DR1: variants seen among roughly 807,000 people sequenced by gnomAD.
The protein encoded by DR1 is down-regulator of transcription 1.
A neutral mutation model predicts 19.9 loss-of-function variants in DR1; 7 were observed. The ratio of observed to expected loss-of-function variants is 0.35; its 90% CI spans 0.20 to 0.66. The LOEUF (loss-of-function observed/expected upper bound fraction) is 0.66. Among genes scored for constraint, DR1 ranks in the 30% least tolerant of loss-of-function variants. The pLI, the probability that DR1 is intolerant of heterozygous loss-of-function variation, is 0.66. For missense variants in DR1, 98 were observed against 203.7 expected, an observed-to-expected ratio of 0.48 and a Z score of 3.16; for synonymous variants, 76 against 72.5, an observed-to-expected ratio of 1.05 and a Z score of -0.24.
At chr1:93,352,319 C>G (rs1479400423) in intron 1 of DR1, among the ~76,000 whole-genome samples, 1 of 152,202 alleles carries the variant, frequency 6.6e-6, no homozygotes, top group African/African-American at 2.4e-5. Flanking sequence ...ATCTGCCTGC[C>G]TTGGTCTCCC....
chr1:93,351,557 T>G (rs1156305501), intron 1 of DR1, among the ~76,000 whole-genome samples: 1 of 149,338 alleles, frequency 6.7e-6, no homozygotes, highest in Non-Finnish European at 1.5e-5. Context: ...TGCCTTAGCC[T>G]CCTGAGTAGC....
rs1667081405 is a variant in DR1 at position 93,363,478 on chromosome 1, T to G, written c.*2839T>G. ...AGCAGGGTTGGCTCTTTATTGAGGT[T>G]GTGAGGGAGAATGTTTTCTTCCCTT... On this transcript the variant is annotated 3_prime_UTR_variant, in exon 3 of 3. Transcript: ENST00000370272. 1 of 152,212 alleles carries G rather than the reference T, an allele frequency of 6.6e-6. No homozygotes were observed. Among genetic ancestry groups the G allele is most frequent in the African/African-American group, 2.4e-5 (1 of 41,454 alleles). The allele number at this position is 152,212 out of a possible 1,614,324, so 9.4% of individuals were successfully genotyped here. A position where few individuals can be genotyped will look rare whatever the true frequency, so the allele number is the denominator to read the frequency against.
intron 1 of DR1, among the ~76,000 whole-genome samples, chr1:93,352,926 G>GTTTTTTTTTT: frequency 7.3e-6 from 1 of 137,020 alleles, no homozygotes. Flanking sequence ...ACAGGGTCTT[G>GTTTTTTTTTT]CTCTGTCATC....
intron 1 of DR1, among the ~76,000 whole-genome samples, chr1:93,350,122 T>G (rs778467343): frequency 1.3e-4 from 20 of 152,196 alleles, no homozygotes; most frequent in Non-Finnish European, 2.6e-4. Context: ...ATACTTTTCT[T>G]TAAATTAATA....
chr1:93,357,916 A>G (rs1667010193), intron 2 of DR1, among the ~76,000 whole-genome samples: 1 of 152,210 alleles, frequency 6.6e-6, no homozygotes, highest in South Asian at 2.1e-4. Context: ...TGAAGAATAT[A>G]TCATTATGAG....
rs1341132851 is a variant in DR1 at position 93,365,927 on chromosome 1, A to C, written c.*5288A>C. 1 of 152,230 alleles carries C rather than the reference A, an allele frequency of 6.6e-6. No individual in the cohort carries two copies. The highest frequency in any genetic ancestry group is 2.4e-5 in the African/African-American group (1 of 41,452). 9.4% of individuals were successfully genotyped at this position (152,230 alleles called of 1,614,324 possible). A position where few individuals can be genotyped will look rare whatever the true frequency, so the allele number is the denominator to read the frequency against. On this transcript the variant is annotated 3_prime_UTR_variant, in exon 3 of 3. Transcript: ENST00000370272. ...TAATAAGCATTTTTTATTGTGATTA[A>C]ATATGCATATCGTAAAATTCACCAC... is the stretch of plus-strand genomic sequence containing the variant.
Position 93,346,246 on chromosome 1 carries a change from C to A in DR1, c.-400C>A, listed in dbSNP as rs1666834517. The A allele has an allele frequency of 4.0e-6, 1 of 252,414 alleles. No individual in the cohort carries two copies. Among genetic ancestry groups the A allele is most frequent in the Non-Finnish European group, 7.9e-6 (1 of 127,108 alleles). The allele number at this position is 252,414 out of a possible 1,614,324, so 15.6% of individuals were successfully genotyped here. On this transcript the variant is annotated 5_prime_UTR_variant, in exon 1 of 3. Coordinates refer to ENST00000370272, the MANE Select transcript of DR1 (RefSeq NM_001938.3). ...GAGCCGAGCCCGCTGGGTACCCGCC[C>A]GGTACCGCGGCGAGGCCAGTGCCCC... is the stretch of plus-strand genomic sequence containing the variant.
chr1:93,366,332 A>G lies in DR1; in HGVS notation c.*5693A>G, dbSNP rs980068804. On this transcript the variant is annotated 3_prime_UTR_variant, in exon 3 of 3. Coordinates refer to ENST00000370272, the MANE Select transcript of DR1 (RefSeq NM_001938.3). Reference sequence around the variant, plus strand: ...ACTGGGTTGCTTCTGCTTTTTGGCTATTGTGAATAATGCTTCTGTGAACGT... The same window carrying G: ...ACTGGGTTGCTTCTGCTTTTTGGCTGTTGTGAATAATGCTTCTGTGAACGT... 4 of 152,316 alleles carry G rather than the reference A, an allele frequency of 2.6e-5. No individual in the cohort carries two copies. Among genetic ancestry groups the G allele is most frequent in the African/African-American group, 9.6e-5 (4 of 41,564 alleles). The allele number at this position is 152,316 out of a possible 1,614,324, so 9.4% of individuals were successfully genotyped here.
chr1:93,351,535 A>G (rs145558528), intron 1 of DR1, among the ~76,000 whole-genome samples: 317 of 148,328 alleles, frequency 2.1e-3, no homozygotes, highest in African/African-American at 7.6e-3. Context: ...TCCCGGGTTC[A>G]AGCAATTCTC....
chr1:93,357,865 T>C (rs1023005892), intron 2 of DR1, among the ~76,000 whole-genome samples: 1 of 152,162 alleles, frequency 6.6e-6, no homozygotes, highest in African/African-American at 2.4e-5. Context: ...ATGTCCCTAC[T>C]GTATGTAAGA....
intron 1 of DR1, among the ~76,000 whole-genome samples, chr1:93,353,507 A>G (rs1666942958): frequency 6.6e-6 from 1 of 152,218 alleles, no homozygotes; most frequent in Admixed American, 6.5e-5. Context: ...TCCTACCAGA[A>G]CTTAGTAGAG....
At chr1:93,354,208 G>C in intron 2 of DR1, 137 bp downstream of exon 2, 1 of 730,478 alleles carries the variant, frequency 1.4e-6, no homozygotes, top group Non-Finnish European at 2.1e-6. Context: ...GTTCAGAGCT[G>C]ACCAATTTGA....
chr1:93,358,349 T>G (rs746843294), intron 2 of DR1, among the ~76,000 whole-genome samples: 9 of 152,140 alleles, frequency 5.9e-5, no homozygotes, highest in Non-Finnish European at 1.2e-4. Flanking sequence ...GGAGATTGCA[T>G]GGATGGAGGA....
rs1222494796 is a variant in DR1, at chr1:93,368,605, A to G, written c.*7966A>G. ...GTTTGTTTCTTTTGTTGTGCCTATAAAAGATGCCATTAACTTCATATTTAT... is the reference window on the plus strand; with the variant it reads ...GTTTGTTTCTTTTGTTGTGCCTATAGAAGATGCCATTAACTTCATATTTAT... On this transcript the variant is annotated 3_prime_UTR_variant, in exon 3 of 3. Transcript: ENST00000370272. The G allele has an allele frequency of 6.6e-6, 1 of 152,218 alleles. No individual in the cohort carries two copies. Among genetic ancestry groups the G allele is most frequent in the Admixed American group, 6.5e-5 (1 of 15,280 alleles). 9.4% of individuals were successfully genotyped at this position (152,218 alleles called of 1,614,324 possible).
At position 93,362,721 on chromosome 1, in the gene DR1, T is replaced by C. The variant is rs2101641284; in HGVS notation, c.*2082T>C. ...GTACCTGCCTTTTGTTTTTGTTTAC[T>C]GTTATTTCAAAAAATGTGGTTTTAC... On this transcript the variant is annotated 3_prime_UTR_variant, in exon 3 of 3. Coordinates refer to ENST00000370272, the MANE Select transcript of DR1 (RefSeq NM_001938.3). The C allele has an allele frequency of 6.6e-6, 1 of 151,932 alleles. No individual in the cohort carries two copies. Among genetic ancestry groups the C allele is most frequent in the South Asian group, 2.1e-4 (1 of 4,832 alleles). 9.4% of individuals were successfully genotyped at this position (151,932 alleles called of 1,614,324 possible).
Position 93,368,699 on chromosome 1 carries a change from G to T in DR1, c.*8060G>T, listed in dbSNP as rs1015892041. On this transcript the variant is annotated 3_prime_UTR_variant, in exon 3 of 3. Coordinates refer to ENST00000370272, the MANE Select transcript of DR1 (RefSeq NM_001938.3). ...TGTGGTTAAGCTATGAAGAACAATG[G>T]TATTTATTTCCAAAACACTTATTTG... is the stretch of plus-strand genomic sequence containing the variant. 16 of 152,134 alleles carry T rather than the reference G, an allele frequency of 1.1e-4. No individual in the cohort carries two copies. Among genetic ancestry groups the T allele is most frequent in the Non-Finnish European group, 2.9e-5 (2 of 68,020 alleles). The allele number at this position is 152,134 out of a possible 1,614,324, so 9.4% of individuals were successfully genotyped here.
rs1025681601 is a variant in DR1 at position 93,366,768 on chromosome 1, G to C, written c.*6129G>C. 2.6e-5 allele frequency: 4 copies of C among 152,174 alleles called. No individual in the cohort carries two copies. The highest frequency in any genetic ancestry group is 2.6e-4 in the Admixed American group (4 of 15,286). 9.4% of individuals were successfully genotyped at this position (152,174 alleles called of 1,614,324 possible). A position where few individuals can be genotyped will look rare whatever the true frequency, so the allele number is the denominator to read the frequency against. ...CCTGTAATCTCAACACTGGGAAGTC[G>C]AGGTGGGCAGATGGCTTGACCTCAG... On this transcript the variant is annotated 3_prime_UTR_variant, in exon 3 of 3. Coordinates refer to ENST00000370272, the MANE Select transcript of DR1 (RefSeq NM_001938.3).
chr1:93,353,266 G>T (rs1666939855), intron 1 of DR1, among the ~76,000 whole-genome samples: 2 of 151,598 alleles, frequency 1.3e-5, no homozygotes, highest in African/African-American at 4.9e-5. Context: ...AGTGCTTCTT[G>T]TATCTTTATA....
chr1:93,369,216 T>C lies in DR1; in HGVS notation c.*8577T>C, dbSNP rs1667205078. Reference sequence around the variant, plus strand: ...AAGTAATTATGAAAACTATTTTTCTTCCACTAGAACTTTTTTCCCCAAAAA... The same window carrying C: ...AAGTAATTATGAAAACTATTTTTCTCCCACTAGAACTTTTTTCCCCAAAAA... On this transcript the variant is annotated 3_prime_UTR_variant, in exon 3 of 3. Coordinates refer to ENST00000370272, the MANE Select transcript of DR1 (RefSeq NM_001938.3). The C allele has an allele frequency of 6.6e-6, 1 of 152,142 alleles. No individual in the cohort carries two copies. Among genetic ancestry groups the C allele is most frequent in the South Asian group, 2.1e-4 (1 of 4,830 alleles). The allele number at this position is 152,142 out of a possible 1,614,324, so 9.4% of individuals were successfully genotyped here.
Sources: allele counts gnomAD v4.1 joint callset (sites outside exome capture counted in the v4.1 genomes callset), GRCh38; gene constraint gnomAD v4.1.1; transcripts MANE v1.5; gene names NCBI Gene and HGNC (gene_info 2026-07-23, HGNC 2026-07-21).